Variants in CDC40 observed in about 807,000 individuals in gnomAD.
CDC40 encodes cell division cycle 40, also known as pre-mRNA-processing factor 17.
In CDC40, 27 loss-of-function variants were observed where a neutral mutation model predicts 80.6. The ratio of observed to expected loss-of-function variants is 0.33; its 90% CI spans 0.25 to 0.46. The LOEUF (loss-of-function observed/expected upper bound fraction) is 0.46. Ranked by LOEUF, CDC40 falls within the 20% of genes least tolerant of loss-of-function variation. The pLI is 1.00. For missense variants in CDC40, 486 were observed against 694.1 expected, an observed-to-expected ratio of 0.70 and a Z score of 3.37; for synonymous variants, 221 against 232.6, an observed-to-expected ratio of 0.95 and a Z score of 0.45.
chr6:110,191,084 C>T lies in CDC40; in HGVS notation c.190-2098C>T, dbSNP rs533875578. Among the ~76,000 whole-genome samples the T allele has an allele frequency of 2.0e-5, 3 of 152,280 alleles. No homozygotes were observed. The East Asian group carries it at 5.8e-4, about 29-fold the overall frequency. ...TCAAGGGACCTGATAGGCTCTGAAT[C>T]TTTAAGAAGTAGAGAAACTAAGTTG... On this transcript the variant is annotated intron_variant, in intron 1 of 14. Transcript: ENST00000307731.
chr6:110,196,932 C>CT (rs1160529368), intron 2 of CDC40, among the ~76,000 whole-genome samples: 3 of 152,074 alleles, frequency 2.0e-5, no homozygotes, highest in African/African-American at 7.2e-5. Flanking sequence ...TACCAACAAT[C>CT]TAGTATACTA....
intron 14 of CDC40, 45 bp downstream of exon 14, chr6:110,229,021 A>C: frequency 6.9e-7 from 1 of 1,443,394 alleles, no homozygotes; most frequent in East Asian, 2.4e-5. Flanking sequence ...AAATATGATT[A>C]TATAAACTGT....
chr6:110,195,331 A>T (rs1426760327), intron 2 of CDC40, among the ~76,000 whole-genome samples: 1 of 131,074 alleles, frequency 7.6e-6, no homozygotes, highest in Non-Finnish European at 1.6e-5. Context: ...TGTTTTTTTT[A>T]AAAAGATAGA....
intron 13 of CDC40, 99 bp downstream of exon 13, chr6:110,226,342 T>TTGTC (rs1369143240): frequency 1.2e-5 from 8 of 675,754 alleles, no homozygotes; most frequent in African/African-American, 1.1e-4. Flanking sequence ...TTGGGGAAGT[T>TTGTC]TGTCACTGTG....
chr6:110,199,764 G>T (rs2114656140), intron 2 of CDC40, among the ~76,000 whole-genome samples: 1 of 152,222 alleles, frequency 6.6e-6, no homozygotes. Context: ...TTTGTGATGT[G>T]AGTAACAGTT....
intron 4 of CDC40, 136 bp downstream of exon 4, chr6:110,207,725 A>G: frequency 1.8e-6 from 1 of 570,092 alleles, no homozygotes; most frequent in South Asian, 2.2e-5. Flanking sequence ...GGAGCGATAC[A>G]GTTTAGAGCA....
chr6:110,201,782 C>A, intron 3 of CDC40, 95 bp downstream of exon 3: 2 of 985,984 alleles, frequency 2.0e-6, no homozygotes, highest in Non-Finnish European at 3.0e-6. Context: ...TTTTAAAATT[C>A]ACTGGATTCC....
intron 8 of CDC40, among the ~76,000 whole-genome samples, 186 bp downstream of exon 8, chr6:110,213,346 A>G (rs1777660025): frequency 6.6e-6 from 1 of 152,018 alleles, no homozygotes; most frequent in Admixed American, 6.6e-5. Flanking sequence ...TCTGTGGTCC[A>G]ATTGGCTAGG....
chr6:110,211,284 G>A (rs139595403), intron 6 of CDC40: 5 of 152,232 alleles, frequency 3.3e-5, no homozygotes, highest in African/African-American at 1.2e-4. Context: ...ACTTGTAGAA[G>A]GAAATGCATA....
At chr6:110,215,610 C>G (rs541459592) in intron 9 of CDC40, among the ~76,000 whole-genome samples, 2 of 152,050 alleles carry the variant, frequency 1.3e-5, no homozygotes, top group African/African-American at 4.8e-5. Context: ...GAGACAAAAG[C>G]GGAGAAAAGT....
chr6:110,203,913 A>C (rs1338428958), intron 3 of CDC40, among the ~76,000 whole-genome samples: 1 of 152,290 alleles, frequency 6.6e-6, no homozygotes, highest in South Asian at 2.1e-4. Flanking sequence ...CTCTACACCC[A>C]CCTACAGAAG....
At chr6:110,219,947 TAATA>T in intron 12 of CDC40, 78 bp downstream of exon 12, 1 of 1,438,768 alleles carries the variant, frequency 7.0e-7, no homozygotes, top group Non-Finnish European at 9.5e-7. Flanking sequence ...TGAAGCCTGA[TAATA>T]TGCAACCATT....
intron 1 of CDC40, among the ~76,000 whole-genome samples, chr6:110,187,543 T>C (rs1777290730): frequency 6.6e-6 from 1 of 152,234 alleles, no homozygotes; most frequent in Non-Finnish European, 1.5e-5. Context: ...AGTTCTGTTC[T>C]TTTATATCAT....
At chr6:110,209,042 A>C in intron 4 of CDC40, 42 bp from the exon 5 acceptor site, 1 of 1,170,196 alleles carries the variant, frequency 8.5e-7, no homozygotes, top group Non-Finnish European at 1.2e-6. Flanking sequence ...ACATCTTTGT[A>C]ATCTCTCAGT....
chr6:110,219,281 G>C, intron 10 of CDC40, 83 bp from the exon 11 acceptor site: 1 of 613,426 alleles, frequency 1.6e-6, no homozygotes, highest in East Asian at 2.8e-5. Flanking sequence ...GTATTAAGCA[G>C]GTGACCTCTA....
At chr6:110,213,484 G>C (rs952132508) in intron 8 of CDC40, among the ~76,000 whole-genome samples, 3 of 151,126 alleles carry the variant, frequency 2.0e-5, no homozygotes, top group African/African-American at 7.3e-5. Context: ...TCGCCTCCCG[G>C]GTTCATGCCA....
chr6:110,204,455 C>T lies in CDC40; in HGVS notation c.406+2768C>T, dbSNP rs73537943. Among the ~76,000 whole-genome samples, 660 of 152,228 alleles carry T rather than the reference C, an allele frequency of 4.3e-3. 4 individuals are homozygous for T. Among genetic ancestry groups the T allele is most frequent in the African/African-American group, 0.014 (600 of 41,548 alleles). On this transcript the variant is annotated intron_variant, in intron 3 of 14. Coordinates refer to ENST00000307731, the MANE Select transcript of CDC40 (RefSeq NM_015891.3). The stretch of plus-strand genomic sequence containing the variant: ...GTGATGTATGTTATGCTACAAAGTG[C>T]ATTTTAAAACATGGTAGTGAATATT...
chr6:110,216,520 C>G (rs1219207886), intron 9 of CDC40, among the ~76,000 whole-genome samples: 2 of 152,198 alleles, frequency 1.3e-5, no homozygotes, highest in South Asian at 4.1e-4. Flanking sequence ...TGTCTCCCCT[C>G]TACTGGCAGA....
intron 12 of CDC40, among the ~76,000 whole-genome samples, chr6:110,225,450 GT>G (rs79984887): frequency 0.016 from 2,237 of 135,772 alleles, 20 homozygotes; most frequent in South Asian, 0.031. Context: ...CTCACATGAG[GT>G]TTTTTTTTTT....
Sources: gnomAD v4.1 joint callset for allele counts (sites outside exome capture counted in the v4.1 genomes callset) on GRCh38, gnomAD v4.1.1 for gene constraint, MANE v1.5 for transcripts, NCBI Gene and HGNC (gene_info 2026-07-23, HGNC 2026-07-21) for gene names.